The following SCAF8 variants were observed in gnomAD, a reference collection of about 807,000 sequenced individuals.
SCAF8 encodes the protein SR-related and CTD-associated factor 8.
SCAF8 carries 23 observed loss-of-function variants against 140.5 expected under a neutral mutation model. The observed-to-expected ratio is 0.16, with a 90% CI of 0.12 to 0.23. The LOEUF (loss-of-function observed/expected upper bound fraction) is 0.23, where lower values mean the gene tolerates loss of function less well. Ranked by LOEUF, SCAF8 falls within the 10% of genes least tolerant of loss-of-function variation. The probability of loss-of-function intolerance (pLI) is 1.00; values close to 1 mark genes in which losing one functional copy is unlikely to be tolerated. For synonymous variants in SCAF8, 575 were observed against 528.9 expected (o/e 1.09, Z -1.20); for missense variants, 1,397 against 1,555.7 (o/e 0.90, Z 1.72).
rs1298012418 is a variant in SCAF8 at position 154,759,396 on chromosome 6, A to G, written c.31-14593A>G. The stretch of plus-strand genomic sequence containing the variant: ...TTTCTTTGTTTCAAAGCAGTTTTAA[A>G]CTAAGTTTCAAAAATAGATCTCTTC... On this transcript the variant is annotated intron_variant, in intron 1 of 19. Coordinates refer to ENST00000367178, the MANE Select transcript of SCAF8 (RefSeq NM_014892.5). Among the ~76,000 whole-genome samples, 5 of 152,152 alleles carry G rather than the reference A, an allele frequency of 3.3e-5. No homozygotes were observed. The East Asian group carries it at 9.6e-4, about 29-fold the overall frequency.
chr6:154,814,100 T>C (rs1778176152), intron 12 of SCAF8, among the ~76,000 whole-genome samples: 1 of 152,238 alleles, frequency 6.6e-6, no homozygotes, highest in South Asian at 2.1e-4. Flanking sequence ...CACTTTGAAA[T>C]TACTTGAGAC....
chr6:154,816,519 T>TCTG (rs1778255366), intron 13 of SCAF8, among the ~76,000 whole-genome samples: 3 of 125,258 alleles, frequency 2.4e-5, no homozygotes, highest in South Asian at 2.7e-4. Context: ...CGTGCTGTCT[T>TCTG]TCTTCCTCCT....
chr6:154,760,810 G>A (rs190491612), intron 1 of SCAF8, among the ~76,000 whole-genome samples: 7 of 152,064 alleles, frequency 4.6e-5, no homozygotes, highest in Admixed American at 3.3e-4. Context: ...TTTAGAGACC[G>A]TCTTGCTCTG....
intron 1 of SCAF8, chr6:154,741,993 C>G (rs1008067886): frequency 1.8e-5 from 28 of 1,533,570 alleles, no homozygotes; most frequent in Non-Finnish European, 2.4e-5. Flanking sequence ...GACTGCTTTT[C>G]CAGCAGCATG....
rs560953287 is a variant in SCAF8 at position 154,757,182 on chromosome 6, A to G, written c.31-16807A>G. 2.5e-4 allele frequency among the ~76,000 whole-genome samples: 38 copies of G among 152,190 alleles called. No individual in the cohort carries two copies. In the South Asian group the frequency reaches 7.9e-3, roughly 32 times the overall value. ...CAGCTAATTTTTATTTTTACTAGAGATGGGGTTTTGCCATGTTTGCCAGTC... is the reference window on the plus strand; with the variant it reads ...CAGCTAATTTTTATTTTTACTAGAGGTGGGGTTTTGCCATGTTTGCCAGTC... On this transcript the variant is annotated intron_variant, in intron 1 of 19. Transcript: ENST00000367178.
Position 154,810,077 on chromosome 6 carries a change from G to T in SCAF8, c.1289G>T (p.Arg430Leu), listed in dbSNP as rs750195662. 1.9e-6 allele frequency: 3 copies of T among 1,613,762 alleles called. No individual in the cohort carries two copies. Among genetic ancestry groups the T allele is most frequent in the Admixed American group, 1.7e-5 (1 of 59,932 alleles). ...SGSRKRKHRKRSRSRSRERKR... is the reference protein window; with the variant it reads ...SGSRKRKHRKLSRSRSRERKR... ...TCTAGAAAGCGTAAACACAGAAAGCGATCACGCTCCCGCTCAAGAGAAAGA... is the reference window on the plus strand; with the variant it reads ...TCTAGAAAGCGTAAACACAGAAAGCTATCACGCTCCCGCTCAAGAGAAAGA... Residue 430 changes from arginine to leucine, a missense_variant, in exon 12 of 20, where the codon CGA (arginine) becomes CTA (leucine). Physicochemically the swap from Arg to Leu is moderately radical, Grantham distance 102. Transcript: ENST00000367178.
intron 15 of SCAF8, among the ~76,000 whole-genome samples, chr6:154,821,142 A>G (rs1417872540): frequency 2.0e-5 from 3 of 152,150 alleles, no homozygotes. Flanking sequence ...GCCCAATTTT[A>G]GGAACTGGAA....
intron 9 of SCAF8, 121 bp from the exon 10 acceptor site, chr6:154,807,949 A>C: frequency 2.5e-6 from 2 of 802,140 alleles, no homozygotes; most frequent in Non-Finnish European, 3.8e-6. Context: ...TTAACATGGA[A>C]TTTCTTTTAT....
rs554979600 is a variant in SCAF8, at chr6:154,795,889, G to A, written c.606+750G>A. ...CTTTTATGTCTCTTAATTAAGCTTT[G>A]TAGCTCTTTAAATGTAGATTCTTCA... is the stretch of plus-strand genomic sequence containing the variant. On this transcript the variant is annotated intron_variant, in intron 6 of 19. Coordinates refer to ENST00000367178, the MANE Select transcript of SCAF8 (RefSeq NM_014892.5). Among the ~76,000 whole-genome samples, 3 of 152,110 alleles carry A rather than the reference G, an allele frequency of 2.0e-5. No homozygotes were observed. The South Asian group carries it at 6.2e-4, about 32-fold the overall frequency.
intron 16 of SCAF8, among the ~76,000 whole-genome samples, 162 bp downstream of exon 16, chr6:154,822,571 CT>C (rs1778452738): frequency 6.6e-6 from 1 of 151,962 alleles, no homozygotes; most frequent in Non-Finnish European, 1.5e-5. Context: ...AAAAAAAAGT[CT>C]GCTAATGCTG....
intron 1 of SCAF8, among the ~76,000 whole-genome samples, chr6:154,750,229 CTGTT>C (rs1778805223): frequency 2.0e-5 from 3 of 152,098 alleles, no homozygotes; most frequent in African/African-American, 7.2e-5. Context: ...GTTATGGTTA[CTGTT>C]TTGTTAAGTA....
At chr6:154,802,244 T>C (rs1256046900) in intron 7 of SCAF8, 97 bp downstream of exon 7, 1 of 716,382 alleles carries the variant, frequency 1.4e-6, no homozygotes, top group Non-Finnish European at 2.2e-6. Flanking sequence ...TTGTAGACTT[T>C]CAGTATCTCC....
rs780621621 is a variant in SCAF8, at chr6:154,833,194, A to G, written c.3615A>G (p.Gln1205=). 6 of 1,613,970 alleles carry G rather than the reference A, an allele frequency of 3.7e-6. No individual in the cohort carries two copies. The East Asian group carries it at 8.9e-5, about 24-fold the overall frequency. The change falls in exon 20 of 20, where the codon CAA becomes CAG. Residue 1205 remains glutamine, a synonymous_variant. Coordinates refer to ENST00000367178, the MANE Select transcript of SCAF8 (RefSeq NM_014892.5). ...VFDYFEGATS[Q]RKGDNVPQVN... ...ATTATTTTGAAGGGGCCACTTCTCA[A>G]CGAAAAGGTGATAATGTGCCTCAGG...
chr6:154,776,767 A>G (rs1416619570), intron 2 of SCAF8, among the ~76,000 whole-genome samples: 1 of 152,214 alleles, frequency 6.6e-6, no homozygotes, highest in Non-Finnish European at 1.5e-5. Flanking sequence ...ATATGAGTTC[A>G]TGATGTTTTC....
chr6:154,825,443 G>C (rs1778538380), intron 17 of SCAF8, among the ~76,000 whole-genome samples: 1 of 151,876 alleles, frequency 6.6e-6, no homozygotes, highest in African/African-American at 2.4e-5. Context: ...GGGAGGTTGA[G>C]GTGGGAGGAT....
chr6:154,736,346 A>G (rs561201064), intron 1 of SCAF8, among the ~76,000 whole-genome samples: 188 of 148,818 alleles, frequency 1.3e-3, no homozygotes, highest in African/African-American at 3.7e-3. Context: ...TCTTGGCTCA[A>G]TGCAACCTCC....
chr6:154,812,847 C>T (rs953687521), intron 12 of SCAF8, among the ~76,000 whole-genome samples: 1 of 151,956 alleles, frequency 6.6e-6, no homozygotes, highest in Non-Finnish European at 1.5e-5. Context: ...ATGGGAAATA[C>T]AGAACAGAGT....
intron 9 of SCAF8, among the ~76,000 whole-genome samples, chr6:154,806,926 A>C (rs924037454): frequency 6.6e-6 from 1 of 152,350 alleles, no homozygotes; most frequent in South Asian, 2.1e-4. Flanking sequence ...CAAAACAAAC[A>C]GCTCGTCAGT....
intron 1 of SCAF8, among the ~76,000 whole-genome samples, chr6:154,752,287 G>A (rs1233663173): frequency 2.0e-5 from 3 of 152,052 alleles, no homozygotes; most frequent in African/African-American, 7.2e-5. Flanking sequence ...TAGATAAGAT[G>A]ACCTTTAGGA....
Sources: allele counts gnomAD v4.1 joint callset (sites outside exome capture counted in the v4.1 genomes callset), GRCh38; gene constraint gnomAD v4.1.1; transcripts MANE v1.5; gene names NCBI Gene and HGNC (gene_info 2026-07-23, HGNC 2026-07-21).